RHOQ: variants seen among roughly 807,000 people sequenced by gnomAD.
RHOQ encodes the protein ras homolog family member Q, also known as rho-related GTP-binding protein RhoQ.
A neutral mutation model predicts 25.8 loss-of-function variants in RHOQ; 7 were observed. The observed-to-expected ratio is 0.27, with a 90% CI of 0.15 to 0.51. The LOEUF (loss-of-function observed/expected upper bound fraction) is 0.51. Ranked by LOEUF, RHOQ falls within the 20% of genes least tolerant of loss-of-function variation. RHOQ has a pLI of 0.97. For synonymous variants in RHOQ, 97 were observed against 98.6 expected (o/e 0.98, Z 0.10); for missense variants, 165 against 260.6 (o/e 0.63, Z 2.53).
chr2:46,562,345 A>C (rs1668602519), intron 2 of RHOQ, among the ~76,000 whole-genome samples: 1 of 152,112 alleles, frequency 6.6e-6, no homozygotes, highest in African/African-American at 2.4e-5. Flanking sequence ...TTTTATGAGA[A>C]TACACAAAAG....
Position 46,566,550 on chromosome 2 carries a change from T to C in RHOQ, c.202-9537T>C, listed in dbSNP as rs1668737740. ...ATTACTATAATAACCTCTCCCCTTA[T>C]AAGCCTGACTGCCTAATTCATTCTT... On this transcript the variant is annotated intron_variant, in intron 2 of 4. Transcript: ENST00000238738. The surrounding 1 kb of genome is among the most constrained non-coding windows in gnomAD (Gnocchi z 4.2). Among the ~76,000 whole-genome samples, 1 of 152,228 alleles carries C rather than the reference T, an allele frequency of 6.6e-6. No homozygotes were observed. Among genetic ancestry groups the C allele is most frequent in the African/African-American group, 2.4e-5 (1 of 41,466 alleles).
At chr2:46,571,997 T>C (rs1668931865) in intron 2 of RHOQ, among the ~76,000 whole-genome samples, 1 of 152,006 alleles carries the variant, frequency 6.6e-6, no homozygotes, top group African/African-American at 2.4e-5. Context: ...GGTCTCCAGC[T>C]GATGGCCATT....
At position 46,576,200 on chromosome 2, in the gene RHOQ, G is replaced by A. The variant is rs369480548; in HGVS notation, c.315G>A (p.Pro105=). ...SFQNVKEEWV[P]ELKEYAPNVP... is the part of the protein sequence containing the mutation. ...AAAATGTGAAAGAGGAGTGGGTACCGGAACTTAAGGAATACGCACCAAATG... is the reference window on the plus strand; with the variant it reads ...AAAATGTGAAAGAGGAGTGGGTACCAGAACTTAAGGAATACGCACCAAATG... The change falls in exon 3 of 5, where the codon CCG becomes CCA. Residue 105 remains proline (P), a synonymous_variant. Coordinates refer to ENST00000238738, the MANE Select transcript of RHOQ (RefSeq NM_012249.4). The surrounding 1 kb of genome is among the most constrained non-coding windows in gnomAD (Gnocchi z 5.1). 6.2e-6 allele frequency: 10 copies of A among 1,612,274 alleles called. No homozygotes were observed. Among genetic ancestry groups the A allele is most frequent in the East Asian group, 4.5e-5 (2 of 44,828 alleles).
chr2:46,558,914 G>T (rs980636143), intron 2 of RHOQ, among the ~76,000 whole-genome samples: 7 of 151,932 alleles, frequency 4.6e-5, no homozygotes, highest in African/African-American at 1.5e-4. Context: ...CTGTTGTCTG[G>T]ATGTTCTTTT....
intron 2 of RHOQ, among the ~76,000 whole-genome samples, chr2:46,554,760 C>T (rs1299749131): frequency 6.6e-6 from 1 of 151,890 alleles, no homozygotes; most frequent in Admixed American, 6.5e-5. Context: ...TTCTCCTGCG[C>T]CTGCTCTTTT....
intron 2 of RHOQ, chr2:46,560,733 T>C (rs371709250): frequency 2.3e-6 from 1 of 428,428 alleles, no homozygotes; most frequent in Non-Finnish European, 4.8e-6. Flanking sequence ...TCTACTTTGC[T>C]AGACTTTGCG....
chr2:46,544,810 G>A (rs1194876944), intron 2 of RHOQ, among the ~76,000 whole-genome samples: 4 of 152,186 alleles, frequency 2.6e-5, no homozygotes, highest in African/African-American at 9.7e-5. Flanking sequence ...AAGTCCAGTA[G>A]TAGAATTTCC....
intron 1 of RHOQ, chr2:46,543,513 G>A: frequency 3.3e-6 from 2 of 602,190 alleles, no homozygotes; most frequent in Non-Finnish European, 5.9e-6. Flanking sequence ...CGAGGGGACC[G>A]AGCGAGACGT....
At chr2:46,575,126 G>C (rs1049642718) in intron 2 of RHOQ, among the ~76,000 whole-genome samples, 2 of 152,178 alleles carry the variant, frequency 1.3e-5, no homozygotes, top group African/African-American at 4.8e-5. Flanking sequence ...GAGTATAGCT[G>C]TTCTGGGGAC....
chr2:46,564,138 T>A (rs1668657503), intron 2 of RHOQ, among the ~76,000 whole-genome samples: 1 of 151,822 alleles, frequency 6.6e-6, no homozygotes, highest in Admixed American at 6.6e-5. Context: ...GACCCCCATC[T>A]CTACAAAAAA....
chr2:46,576,533 T>C lies in RHOQ; in HGVS notation c.367-28T>C, dbSNP rs770479250. The C allele has an allele frequency of 6.8e-6, 9 of 1,324,008 alleles. No homozygotes were observed. In the South Asian group the frequency reaches 8.8e-5, roughly 13 times the overall value. 82.0% of individuals were successfully genotyped at this position (1,324,008 alleles called of 1,614,324 possible). ...TTTTCTTTAAAGATTTGTAATATTA[T>C]GGGACATTATTGACCTTTCTTAATT... On this transcript the variant is annotated intron_variant, in intron 3 of 4. Transcript: ENST00000238738. The surrounding 1 kb of genome is among the most constrained non-coding windows in gnomAD (Gnocchi z 5.1).
intron 2 of RHOQ, among the ~76,000 whole-genome samples, chr2:46,563,201 G>A (rs1460865018): frequency 1.3e-5 from 2 of 152,200 alleles, no homozygotes; most frequent in Admixed American, 1.3e-4. Context: ...GGTTGTGTGG[G>A]AGAGGGTCCT....
rs374463327 is a variant in RHOQ, at chr2:46,569,328, C to T, written c.202-6759C>T. 1.3e-5 allele frequency: 2 copies of T among 152,170 alleles called. No homozygotes were observed. Among genetic ancestry groups the T allele is most frequent in the African/African-American group, 2.4e-5 (1 of 41,418 alleles). The allele number at this position is 152,170 out of a possible 1,614,324, so 9.4% of individuals were successfully genotyped here. On this transcript the variant is annotated intron_variant, in intron 2 of 4. Coordinates refer to ENST00000238738, the MANE Select transcript of RHOQ (RefSeq NM_012249.4). The surrounding 1 kb of genome is among the most constrained non-coding windows in gnomAD (Gnocchi z 4.1). ...TGGAATCCTAAAACTTGATTTTTAT[C>T]CCGTAGTGTGAACCTCCTCCCACAT... is the stretch of plus-strand genomic sequence containing the variant.
Position 46,561,299 on chromosome 2 carries a change from T to C in RHOQ, c.202-14788T>C, listed in dbSNP as rs1055408988. On this transcript the variant is annotated intron_variant, in intron 2 of 4. Transcript: ENST00000238738. ...TGGACAGTTTTCCTAAGTGAGTAGCTGGTATGTGTGTATGGTTTGGGGTGG... is the reference window on the plus strand; with the variant it reads ...TGGACAGTTTTCCTAAGTGAGTAGCCGGTATGTGTGTATGGTTTGGGGTGG... 6.1e-4 allele frequency among the ~76,000 whole-genome samples: 93 copies of C among 151,752 alleles called. 1 individual carries two copies. Among genetic ancestry groups the C allele is most frequent in the African/African-American group, 2.2e-3 (92 of 41,270 alleles).
In RHOQ at chr2:46,576,290, C is replaced by A. The variant is rs777816412; in HGVS notation, c.366+39C>A. 17 of 1,552,796 alleles carry A rather than the reference C, an allele frequency of 1.1e-5. No homozygotes were observed. The East Asian group carries it at 3.6e-4, about 33-fold the overall frequency. ...GATTTTCTGCATTTTAGAATAAGCT[C>A]TTTGGTCTGTCGTAGAGGCTGCTCT... is the stretch of plus-strand genomic sequence containing the variant. On this transcript the variant is annotated intron_variant, in intron 3 of 4. Coordinates refer to ENST00000238738, the MANE Select transcript of RHOQ (RefSeq NM_012249.4). This position sits in a 1 kb window ranked among gnomAD's most constrained non-coding sequence, Gnocchi z 5.1.
chr2:46,557,549 A>G (rs560951369), intron 2 of RHOQ, among the ~76,000 whole-genome samples: 1 of 152,338 alleles, frequency 6.6e-6, no homozygotes, highest in South Asian at 2.1e-4. Context: ...TCAAAATGTT[A>G]AAGTGGTTGG....
rs1301254931 is a variant in RHOQ at position 46,576,836 on chromosome 2, G to A, written c.462+180G>A. The A allele has an allele frequency of 8.9e-6, 4 of 447,276 alleles. No individual in the cohort carries two copies. The South Asian group carries it at 2.0e-4, about 23-fold the overall frequency. 27.7% of individuals were successfully genotyped at this position (447,276 alleles called of 1,614,324 possible). ...TTTCCCCTGTTACACAGAAGAGACA[G>A]TGGAGGCTGGGAGATGTCAGATAAT... On this transcript the variant is annotated intron_variant, in intron 4 of 4. Coordinates refer to ENST00000238738, the MANE Select transcript of RHOQ (RefSeq NM_012249.4). The surrounding 1 kb of genome is among the most constrained non-coding windows in gnomAD (Gnocchi z 5.1).
chr2:46,543,468 C>A, intron 1 of RHOQ: 1 of 600,214 alleles, frequency 1.7e-6, no homozygotes, highest in South Asian at 2.0e-5. Context: ...CCCACATCCC[C>A]TTTCCTACTG....
intron 4 of RHOQ, among the ~76,000 whole-genome samples, chr2:46,578,823 A>G (rs2104036503): frequency 6.6e-6 from 1 of 152,192 alleles, no homozygotes; most frequent in East Asian, 1.9e-4. Context: ...TAAATTTTAA[A>G]TGTTCTCACC....
Sources: allele counts gnomAD v4.1 joint callset (sites outside exome capture counted in the v4.1 genomes callset), GRCh38; gene constraint gnomAD v4.1.1; non-coding constraint Gnocchi (gnomAD v3.1); transcripts MANE v1.5; gene names NCBI Gene and HGNC (gene_info 2026-07-23, HGNC 2026-07-21).